The following ADGRA3 variants were observed in gnomAD, a reference collection of about 807,000 sequenced individuals.
ADGRA3 encodes the protein adhesion G protein-coupled receptor A3.
In ADGRA3, 56 loss-of-function variants were observed where a neutral mutation model predicts 119.8. The ratio of observed to expected loss-of-function variants is 0.47; its 90% confidence interval spans 0.38 to 0.58. The LOEUF (loss-of-function observed/expected upper bound fraction) is 0.58. Ranked by LOEUF, ADGRA3 falls within the 20% of genes least tolerant of loss-of-function variation. The probability of loss-of-function intolerance (pLI) is 0.00; values close to 1 mark genes in which losing one functional copy is unlikely to be tolerated. For missense variants in ADGRA3, 1,516 were observed against 1,649.0 expected, an observed-to-expected ratio of 0.92 and a Z score of 1.40; for synonymous variants, 607 against 623.8, an observed-to-expected ratio of 0.97 and a Z score of 0.40.
At chr4:22,488,459 G>C (rs978716423) in intron 1 of ADGRA3, among the ~76,000 whole-genome samples, 6 of 152,130 alleles carry the variant, frequency 3.9e-5, no homozygotes, top group Non-Finnish European at 7.4e-5. Context: ...GAGCTCAGTT[G>C]GTGCCTACAG....
chr4:22,440,456 A>G (rs1397220839), intron 7 of ADGRA3, among the ~76,000 whole-genome samples: 12 of 152,152 alleles, frequency 7.9e-5, no homozygotes, highest in Non-Finnish European at 1.8e-4. Context: ...CAATAACCAC[A>G]TATTTCTTTC....
chr4:22,423,430 G>A (rs1376526712), intron 11 of ADGRA3, among the ~76,000 whole-genome samples: 1 of 152,136 alleles, frequency 6.6e-6, no homozygotes, highest in East Asian at 1.9e-4. Flanking sequence ...TCTACACTAT[G>A]TCAGCCCAGT....
Position 22,387,966 on chromosome 4 carries a change from G to C in ADGRA3, c.3705C>G (p.Pro1235=), listed in dbSNP as rs1264020039. 2 of 1,614,148 alleles carry C rather than the reference G, an allele frequency of 1.2e-6. No individual in the cohort carries two copies. Among genetic ancestry groups the C allele is most frequent in the South Asian group, 1.1e-5 (1 of 91,084 alleles). The change falls in exon 19 of 19, where the codon CCC becomes CCG. Residue 1235 remains proline (P), a synonymous_variant. Transcript: ENST00000334304. ...LAYRERQYNP[P]QQDSSDACST... ...TACAAGCATCGCTGCTGTCTTGCTG[G>C]GGTGGGTTGTACTGTCTCTCTCTGT...
At chr4:22,421,920 G>A (rs1047561664) in intron 11 of ADGRA3, among the ~76,000 whole-genome samples, 8 of 133,702 alleles carry the variant, frequency 6.0e-5, no homozygotes, top group African/African-American at 1.5e-4. Context: ...AATTAGGTCA[G>A]AAAAATCATC....
intron 1 of ADGRA3, among the ~76,000 whole-genome samples, chr4:22,509,159 G>A (rs927941848): frequency 6.6e-6 from 1 of 152,166 alleles, no homozygotes; most frequent in Non-Finnish European, 1.5e-5. Context: ...CTGGCGGGCT[G>A]GACAGGAGAA....
At chr4:22,437,722 A>G (rs1716450918) in intron 8 of ADGRA3, among the ~76,000 whole-genome samples, 1 of 152,180 alleles carries the variant, frequency 6.6e-6, no homozygotes, top group African/African-American at 2.4e-5. Flanking sequence ...TGGCTCCCCA[A>G]GTTTCAGGCT....
intron 1 of ADGRA3, among the ~76,000 whole-genome samples, chr4:22,488,206 C>T (rs1577378507): frequency 1.3e-5 from 2 of 152,098 alleles, no homozygotes; most frequent in South Asian, 4.1e-4. Context: ...TTCATGGCTG[C>T]TTTCACATGT....
At chr4:22,458,853 A>G (rs1292438907) in intron 3 of ADGRA3, among the ~76,000 whole-genome samples, 1 of 152,210 alleles carries the variant, frequency 6.6e-6, no homozygotes, top group Non-Finnish European at 1.5e-5. Flanking sequence ...AATGGGCAGA[A>G]GAGAAGAAAA....
intron 10 of ADGRA3, among the ~76,000 whole-genome samples, chr4:22,425,630 G>T (rs1715898422): frequency 6.6e-6 from 1 of 152,178 alleles, no homozygotes; most frequent in South Asian, 2.1e-4. Flanking sequence ...GCATTAAAAG[G>T]CGTTAAGTCC....
At chr4:22,444,646 G>A (rs1175877097) in intron 6 of ADGRA3, among the ~76,000 whole-genome samples, 1 of 151,996 alleles carries the variant, frequency 6.6e-6, no homozygotes, top group Non-Finnish European at 1.5e-5. Context: ...ACAGGATGTG[G>A]GCATCCTGAG....
intron 10 of ADGRA3, among the ~76,000 whole-genome samples, chr4:22,430,049 G>C (rs1716095196): frequency 6.6e-6 from 1 of 152,160 alleles, no homozygotes; most frequent in Non-Finnish European, 1.5e-5. Flanking sequence ...CCCTGCACAA[G>C]TGCTCTCTCT....
intron 1 of ADGRA3, among the ~76,000 whole-genome samples, chr4:22,493,197 C>G (rs1368765207): frequency 6.6e-6 from 1 of 152,184 alleles, no homozygotes; most frequent in Non-Finnish European, 1.5e-5. Context: ...AACTCCTGGC[C>G]TCATGAGATC....
In ADGRA3 at chr4:22,413,177, C is replaced by A. The variant is rs1715283831; in HGVS notation, c.2232+5G>T. 2 of 1,599,554 alleles carry A rather than the reference C, an allele frequency of 1.3e-6. No homozygotes were observed. The highest frequency in any genetic ancestry group is 1.7e-6 in the Non-Finnish European group (2 of 1,166,940). On this transcript the variant is annotated splice_donor_5th_base_variant and intron_variant, in intron 14 of 18. Transcript: ENST00000334304. ...GTTTATGCATAAAGTTAACAACTGCCATACCATTAAAACTGCATAGTTACT... is the reference window on the plus strand; with the variant it reads ...GTTTATGCATAAAGTTAACAACTGCAATACCATTAAAACTGCATAGTTACT...
intron 16 of ADGRA3, among the ~76,000 whole-genome samples, chr4:22,395,407 G>T (rs1242922225): frequency 6.6e-6 from 1 of 152,124 alleles, no homozygotes; most frequent in African/African-American, 2.4e-5. Flanking sequence ...AATATTAACA[G>T]CTTCCATTAA....
intron 1 of ADGRA3, among the ~76,000 whole-genome samples, chr4:22,504,783 C>T (rs1302000902): frequency 4.6e-5 from 7 of 151,926 alleles, no homozygotes. Context: ...AGGATTAACC[C>T]TTCAGGTCGC....
chr4:22,497,561 A>T (rs1718880034), intron 1 of ADGRA3, among the ~76,000 whole-genome samples: 1 of 152,090 alleles, frequency 6.6e-6, no homozygotes, highest in Non-Finnish European at 1.5e-5. Flanking sequence ...ACGGTGGCTC[A>T]CGCCAGTAAT....
chr4:22,422,075 C>G (rs1175211715), intron 11 of ADGRA3, among the ~76,000 whole-genome samples: 1 of 151,976 alleles, frequency 6.6e-6, no homozygotes, highest in Non-Finnish European at 1.5e-5. Flanking sequence ...GGCCCACTCG[C>G]TGGAGGACAG....
At position 22,413,647 on chromosome 4, in the gene ADGRA3, A is replaced by ATCATCAGC. The variant is rs1325198927; in HGVS notation, c.1969_1976dup (p.Asp659GlufsTer14). The ATCATCAGC allele has an allele frequency of 1.9e-6, 3 of 1,614,066 alleles. No homozygotes were observed. On this transcript the variant is annotated frameshift_variant, in exon 13 of 19. Transcript: ENST00000334304. LOFTEE classifies it high-confidence loss of function. ...GGGTAACCACAGTACGTCGTTTTCC[A>ATCATCAGC]TCATCAGCCAAATTTGTTGAATTTC...
At chr4:22,413,414 T>C in intron 13 of ADGRA3, 24 bp from the exon 14 acceptor site, 1 of 1,594,084 alleles carries the variant, frequency 6.3e-7, no homozygotes, top group Non-Finnish European at 8.6e-7. Flanking sequence ...GAAATAAAAA[T>C]ATTTCTGAAA....
Sources: gnomAD v4.1 joint callset for allele counts (sites outside exome capture counted in the v4.1 genomes callset) on GRCh38, gnomAD v4.1.1 for gene constraint, MANE v1.5 for transcripts, NCBI Gene and HGNC (gene_info 2026-07-23, HGNC 2026-07-21) for gene names.